Variants in RPS6KA5 observed in about 807,000 individuals in gnomAD.
RPS6KA5 encodes ribosomal protein S6 kinase A5.
In RPS6KA5, 27 loss-of-function variants were observed where a neutral mutation model predicts 85.5. The observed-to-expected ratio is 0.32, with a 90% confidence interval of 0.23 to 0.44. RPS6KA5 has a LOEUF of 0.44. RPS6KA5 is among the 20% of genes least tolerant of loss of function. The pLI is 1.00. For synonymous variants in RPS6KA5, 334 were observed against 348.2 expected (o/e 0.96, Z 0.46); for missense variants, 811 against 980.9 (o/e 0.83, Z 2.31).
intron 7 of RPS6KA5, among the ~76,000 whole-genome samples, chr14:90,912,688 T>A (rs1286208256): frequency 1.3e-5 from 2 of 152,058 alleles, no homozygotes; most frequent in Admixed American, 6.6e-5. Context: ...TGTTACTGAG[T>A]TCTTCCTTGA....
At chr14:91,053,143 T>C (rs1326776701) in intron 1 of RPS6KA5, among the ~76,000 whole-genome samples, 2 of 152,034 alleles carry the variant, frequency 1.3e-5, no homozygotes, top group Non-Finnish European at 2.9e-5. Flanking sequence ...AAAAAGCATC[T>C]GACAAAATCC....
intron 2 of RPS6KA5, among the ~76,000 whole-genome samples, chr14:90,982,512 C>T (rs1192474037): frequency 6.6e-6 from 1 of 152,174 alleles, no homozygotes; most frequent in Non-Finnish European, 1.5e-5. Flanking sequence ...TTGGATGGAG[C>T]TGCTTAAAGA....
chr14:90,957,695 G>A (rs2038595465), intron 3 of RPS6KA5, among the ~76,000 whole-genome samples: 1 of 152,154 alleles, frequency 6.6e-6, no homozygotes, highest in Non-Finnish European at 1.5e-5. Context: ...TGAGGACAGT[G>A]TTTAAAGTTT....
chr14:90,886,612 G>C (rs1306280846), intron 14 of RPS6KA5, among the ~76,000 whole-genome samples: 1 of 152,190 alleles, frequency 6.6e-6, no homozygotes, highest in Non-Finnish European at 1.5e-5. Context: ...GACACAACAA[G>C]CAGGTGGCCA....
intron 8 of RPS6KA5, among the ~76,000 whole-genome samples, chr14:90,904,104 C>T (rs1438498445): frequency 2.6e-5 from 4 of 152,168 alleles, no homozygotes; most frequent in Admixed American, 1.3e-4. Flanking sequence ...CGACCGCCAC[C>T]ATGCCCGGCT....
At chr14:91,057,024 TA>T (rs1158614772) in intron 1 of RPS6KA5, among the ~76,000 whole-genome samples, 1 of 151,360 alleles carries the variant, frequency 6.6e-6, no homozygotes, top group African/African-American at 2.4e-5. Flanking sequence ...GGACTACAGG[TA>T]CGTGCCACCA....
rs1425140172 is a variant in RPS6KA5 at position 90,854,309 on chromosome 14, CATT to C, written c.*17762_*17764del. The C allele has an allele frequency of 6.6e-6, 1 of 151,826 alleles. No homozygotes were observed. The highest frequency in any genetic ancestry group is 2.4e-5 in the African/African-American group (1 of 41,362). The allele number at this position is 151,826 out of a possible 1,614,324, so 9.4% of individuals were successfully genotyped here. On this transcript the variant is annotated 3_prime_UTR_variant, in exon 17 of 17. Transcript: ENST00000614987. Reference sequence around the variant, plus strand: ...GATTTAGAACAAAACTTACTGTAGCCATTATAATCTGCTAACGTTTGAAAAACT... The same window carrying C: ...GATTTAGAACAAAACTTACTGTAGCCATAATCTGCTAACGTTTGAAAAACT...
At chr14:91,048,390 G>C (rs1179519806) in intron 1 of RPS6KA5, among the ~76,000 whole-genome samples, 1 of 152,086 alleles carries the variant, frequency 6.6e-6, no homozygotes, top group Non-Finnish European at 1.5e-5. Flanking sequence ...ACAAAAACTT[G>C]AGTGTGAAAT....
chr14:90,897,894 T>C (rs778801520), intron 12 of RPS6KA5, among the ~76,000 whole-genome samples: 39 of 152,186 alleles, frequency 2.6e-4, no homozygotes, highest in Admixed American at 4.6e-4. Flanking sequence ...CTAGTGAGCC[T>C]CTTCTTAAGC....
chr14:90,947,288 A>C, intron 4 of RPS6KA5, 147 bp downstream of exon 4: 1 of 473,328 alleles, frequency 2.1e-6, no homozygotes, highest in East Asian at 3.2e-5. Context: ...CGGAATTATG[A>C]AATTGAGAAA....
chr14:90,931,688 G>C (rs981396046), intron 5 of RPS6KA5, among the ~76,000 whole-genome samples: 1 of 151,708 alleles, frequency 6.6e-6, no homozygotes, highest in Non-Finnish European at 1.5e-5. Context: ...AGTTATAAAG[G>C]GTTGGTATCT....
intron 13 of RPS6KA5, among the ~76,000 whole-genome samples, chr14:90,891,644 G>A (rs1164889974): frequency 6.6e-6 from 1 of 152,086 alleles, no homozygotes; most frequent in Non-Finnish European, 1.5e-5. Context: ...ACACATTATA[G>A]ATGGTATCAC....
chr14:90,903,104 T>A, intron 8 of RPS6KA5, 135 bp from the exon 9 acceptor site: 1 of 753,126 alleles, frequency 1.3e-6, no homozygotes, highest in Non-Finnish European at 2.1e-6. Context: ...AAATCAATAA[T>A]AAAAAACATA....
chr14:91,026,933 C>T (rs773659647), intron 1 of RPS6KA5, among the ~76,000 whole-genome samples: 3 of 152,130 alleles, frequency 2.0e-5, no homozygotes, highest in Non-Finnish European at 2.9e-5. Flanking sequence ...CTTTGAGAAG[C>T]GTCTGTTCAT....
At chr14:90,888,222 T>C (rs1013752912) in intron 14 of RPS6KA5, among the ~76,000 whole-genome samples, 1 of 152,184 alleles carries the variant, frequency 6.6e-6, no homozygotes, top group Non-Finnish European at 1.5e-5. Context: ...GAAGCATGGC[T>C]TCCATCCATG....
chr14:91,036,310 A>G (rs2042409068), intron 1 of RPS6KA5, among the ~76,000 whole-genome samples: 1 of 152,236 alleles, frequency 6.6e-6, no homozygotes, highest in African/African-American at 2.4e-5. Flanking sequence ...AGTATAATGA[A>G]GGAAGAAGAG....
rs1354779696 is a variant in RPS6KA5, at chr14:90,851,509, G to A, written c.*20565C>T. 3 of 152,136 alleles carry A rather than the reference G, an allele frequency of 2.0e-5. No individual in the cohort carries two copies. The highest frequency in any genetic ancestry group is 4.4e-5 in the Non-Finnish European group (3 of 68,040). The allele number at this position is 152,136 out of a possible 1,614,324, so 9.4% of individuals were successfully genotyped here. A position where few individuals can be genotyped will look rare whatever the true frequency, so the allele number is the denominator to read the frequency against. The stretch of plus-strand genomic sequence containing the variant: ...AGGCACAGGTTAACCCCATTTTACA[G>A]ATGAAGAAATGGAGGCAAAGGGAGG... On this transcript the variant is annotated 3_prime_UTR_variant, in exon 17 of 17. Transcript: ENST00000614987.
At position 90,848,701 on chromosome 14, in the gene RPS6KA5, A is replaced by C. The variant is rs1194229067; in HGVS notation, c.*23373T>G. ...AAGCCATGCAAATAAAAATCTCATTACATGCCAGCTGAGTGACTTGCAAAG... is the reference window on the plus strand; with the variant it reads ...AAGCCATGCAAATAAAAATCTCATTCCATGCCAGCTGAGTGACTTGCAAAG... On this transcript the variant is annotated 3_prime_UTR_variant, in exon 17 of 17. Coordinates refer to ENST00000614987, the MANE Select transcript of RPS6KA5 (RefSeq NM_004755.4). 6.6e-6 allele frequency: 1 copy of C among 152,224 alleles called. No homozygotes were observed. The highest frequency in any genetic ancestry group is 2.4e-5 in the African/African-American group (1 of 41,470). The allele number at this position is 152,224 out of a possible 1,614,324, so 9.4% of individuals were successfully genotyped here.
intron 3 of RPS6KA5, among the ~76,000 whole-genome samples, chr14:90,973,909 G>A (rs1052140838): frequency 6.6e-6 from 1 of 151,518 alleles, no homozygotes; most frequent in African/African-American, 2.4e-5. Flanking sequence ...GTGGTGGCAG[G>A]TGCCTATAAT....
Sources: allele counts gnomAD v4.1 joint callset (sites outside exome capture counted in the v4.1 genomes callset), GRCh38; gene constraint gnomAD v4.1.1; transcripts MANE v1.5; gene names NCBI Gene and HGNC (gene_info 2026-07-23, HGNC 2026-07-21).